CAST: variants seen among roughly 807,000 people sequenced by gnomAD.
The protein encoded by CAST is calpastatin.
A neutral mutation model predicts 119.6 loss-of-function variants in CAST; 76 were observed. The observed-to-expected ratio is 0.64, with a 90% CI of 0.53 to 0.77. The LOEUF (loss-of-function observed/expected upper bound fraction) is 0.77. Among genes scored for constraint, CAST ranks in the 30% least tolerant of loss-of-function variants. The probability of loss-of-function intolerance (pLI) is 0.00; values close to 1 mark genes in which losing one functional copy is unlikely to be tolerated. For missense variants in CAST, 953 were observed against 946.5 expected (o/e 1.01, Z -0.09); for synonymous variants, 319 against 331.6 (o/e 0.96, Z 0.41).
the CAST span, among the ~76,000 whole-genome samples, chr5:96,263,414 C>G: frequency 6.6e-6 from 1 of 151,938 alleles, no homozygotes; most frequent in Non-Finnish European, 1.5e-5. Context: ...CTGAGAGTGA[C>G]GAGCCATTAT....
At chr5:96,396,289 G>A in the CAST span, among the ~76,000 whole-genome samples, 34 of 152,238 alleles carry the variant, frequency 2.2e-4, 1 homozygote, top group African/African-American at 6.3e-4. Context: ...GGCCGGGTGT[G>A]GTGGCTTACA....
chr5:96,722,753 C>CT (rs778722933), intron 4 of CAST, 55 bp downstream of exon 4: 107 of 1,238,592 alleles, frequency 8.6e-5, no homozygotes, highest in Non-Finnish European at 1.1e-4. Flanking sequence ...TGCTGCAAAG[C>CT]AAAACAAATG....
chr5:96,699,197 C>A (rs1753622352), intron 3 of CAST, among the ~76,000 whole-genome samples: 1 of 152,152 alleles, frequency 6.6e-6, no homozygotes, highest in South Asian at 2.1e-4. Context: ...TGATCCATAA[C>A]CAGTCATGCA....
chr5:96,482,360 C>T, the CAST span, among the ~76,000 whole-genome samples: 3 of 150,486 alleles, frequency 2.0e-5, no homozygotes, highest in Admixed American at 6.7e-5. Flanking sequence ...ATTTAAGCCA[C>T]CTAATTATGT....
At chr5:96,444,207 A>C in the CAST span, among the ~76,000 whole-genome samples, 1 of 152,200 alleles carries the variant, frequency 6.6e-6, no homozygotes, top group Non-Finnish European at 1.5e-5. Flanking sequence ...CTGTGAGTCT[A>C]GGTTATGCCT....
the CAST span, among the ~76,000 whole-genome samples, chr5:96,155,457 T>C: frequency 4.6e-5 from 7 of 152,238 alleles, no homozygotes; most frequent in African/African-American, 1.7e-4. Context: ...GAGTATACAT[T>C]TTAAAATAGA....
the CAST span, chr5:96,050,055 G>A: frequency 6.6e-6 from 1 of 152,088 alleles, no homozygotes; most frequent in Non-Finnish European, 1.5e-5. Flanking sequence ...CCACAAAGAG[G>A]TCAGCTAAGG....
At chr5:96,435,364 T>A in the CAST span, among the ~76,000 whole-genome samples, 1 of 152,160 alleles carries the variant, frequency 6.6e-6, no homozygotes, top group Admixed American at 6.5e-5. Flanking sequence ...GAAGATAATA[T>A]CCTCATCCAC....
At chr5:96,417,578 G>T in the CAST span, among the ~76,000 whole-genome samples, 1 of 151,966 alleles carries the variant, frequency 6.6e-6, no homozygotes, top group African/African-American at 2.4e-5. Flanking sequence ...GGATTCTCTT[G>T]AAAGTGAAGC....
At chr5:96,071,139 C>A in the CAST span, among the ~76,000 whole-genome samples, 1 of 152,056 alleles carries the variant, frequency 6.6e-6, no homozygotes, top group East Asian at 1.9e-4. Context: ...CTGTGGGCCT[C>A]TCCTCAGCCC....
intron 1 of CAST, among the ~76,000 whole-genome samples, chr5:96,634,197 G>T (rs538605553): frequency 6.6e-6 from 1 of 152,174 alleles, no homozygotes; most frequent in Non-Finnish European, 1.5e-5. Context: ...TTCTTTTGTG[G>T]AGTGTGTATA....
At chr5:96,419,414 CCTCT>C in the CAST span, among the ~76,000 whole-genome samples, 199 of 129,098 alleles carry the variant, frequency 1.5e-3, 1 homozygote, top group African/African-American at 3.8e-3. Context: ...TCACTTAATA[CCTCT>C]CTCTCTCTCT....
chr5:96,428,083 C>T, the CAST span, among the ~76,000 whole-genome samples: 3 of 152,128 alleles, frequency 2.0e-5, no homozygotes, highest in Non-Finnish European at 2.9e-5. Context: ...CTTTTACATT[C>T]GAACACTGGT....
chr5:96,374,797 G>A, the CAST span, among the ~76,000 whole-genome samples: 1 of 152,160 alleles, frequency 6.6e-6, no homozygotes. Flanking sequence ...CAGAGAGATA[G>A]ATTTTCTGGT....
chr5:95,991,508 T>G, the CAST span, among the ~76,000 whole-genome samples: 17 of 143,746 alleles, frequency 1.2e-4, no homozygotes, highest in South Asian at 4.7e-4. Flanking sequence ...TTTTTTTTTT[T>G]TTTTTTTTTT....
the CAST span, among the ~76,000 whole-genome samples, chr5:96,459,423 T>A: frequency 6.6e-6 from 1 of 152,192 alleles, no homozygotes; most frequent in East Asian, 1.9e-4. Context: ...AATGGGGCAC[T>A]GGATGAATAA....
At chr5:96,155,208 C>T in the CAST span, among the ~76,000 whole-genome samples, 505 of 152,264 alleles carry the variant, frequency 3.3e-3, 5 homozygotes, top group African/African-American at 0.011. Flanking sequence ...CACTGTACCA[C>T]GCTGGTGACA....
chr5:96,230,959 A>G, the CAST span, among the ~76,000 whole-genome samples: 1 of 152,176 alleles, frequency 6.6e-6, no homozygotes, highest in African/African-American at 2.4e-5. Flanking sequence ...CACATTCGCT[A>G]GAATAGTTAT....
chr5:96,505,569 G>C, the CAST span, among the ~76,000 whole-genome samples: 1 of 152,168 alleles, frequency 6.6e-6, no homozygotes, highest in Non-Finnish European at 1.5e-5. Context: ...CCATAGAGAA[G>C]GGCCTTTTTT....
Sources: gnomAD v4.1 joint callset for allele counts (sites outside exome capture counted in the v4.1 genomes callset) on GRCh38, gnomAD v4.1.1 for gene constraint, MANE v1.5 for transcripts, NCBI Gene and HGNC (gene_info 2026-07-23, HGNC 2026-07-21) for gene names.